RAB38: variants seen among roughly 807,000 people sequenced by gnomAD.
RAB38 encodes the protein ras-related protein Rab-38.
A neutral mutation model predicts 18.4 loss-of-function variants in RAB38; 15 were observed. That is an observed-to-expected ratio of 0.82 (90% confidence interval 0.55 to 1.26). The LOEUF is 1.26. RAB38 is among the 50% of genes most tolerant of loss of function. The pLI is 0.00. For missense variants in RAB38, 294 were observed against 267.4 expected, an observed-to-expected ratio of 1.10 and a Z score of -0.69; for synonymous variants, 101 against 104.4, an observed-to-expected ratio of 0.97 and a Z score of 0.20.
At chr11:87,955,237 C>CTT in the RAB38 span, among the ~76,000 whole-genome samples, 2 of 152,050 alleles carry the variant, frequency 1.3e-5, no homozygotes, top group African/African-American at 4.8e-5. Flanking sequence ...TTCTCTTATT[C>CTT]TTTAATCCAG....
At chr11:88,081,597 T>C in the RAB38 span, among the ~76,000 whole-genome samples, 1 of 151,944 alleles carries the variant, frequency 6.6e-6, no homozygotes, top group Non-Finnish European at 1.5e-5. Flanking sequence ...AATCTCTGCA[T>C]CCATCTTTAC....
the RAB38 span, among the ~76,000 whole-genome samples, chr11:87,843,661 A>C: frequency 2.0e-5 from 3 of 152,218 alleles, no homozygotes; most frequent in Non-Finnish European, 4.4e-5. Context: ...TAAACACTTG[A>C]AGCCTAAATT....
At chr11:88,118,140 T>TC (rs1012858176) in intron 2 of RAB38, among the ~76,000 whole-genome samples, 5 of 151,268 alleles carry the variant, frequency 3.3e-5, no homozygotes, top group East Asian at 1.9e-4. Context: ...TTATCTCAGC[T>TC]CCCCCCCAAA....
At chr11:88,153,114 A>C (rs1943082953) in intron 1 of RAB38, among the ~76,000 whole-genome samples, 1 of 152,280 alleles carries the variant, frequency 6.6e-6, no homozygotes, top group East Asian at 1.9e-4. Flanking sequence ...CACCAACTTG[A>C]AAAGTCAGAA....
At chr11:87,939,099 T>A in the RAB38 span, among the ~76,000 whole-genome samples, 15 of 152,114 alleles carry the variant, frequency 9.9e-5, no homozygotes, top group African/African-American at 3.1e-4. Flanking sequence ...GTCACTCAGT[T>A]CCCAATCAAA....
chr11:87,918,930 A>T, the RAB38 span, among the ~76,000 whole-genome samples: 1 of 34 alleles, frequency 0.029, no homozygotes, highest in Admixed American at 0.5. Context: ...GGGTCACAGT[A>T]AAAAAAAAAA....
At chr11:87,953,820 C>CT in the RAB38 span, among the ~76,000 whole-genome samples, 2 of 149,610 alleles carry the variant, frequency 1.3e-5, no homozygotes, top group African/African-American at 4.9e-5. Context: ...AAATGCTTGC[C>CT]TTTTTTAGGC....
the RAB38 span, among the ~76,000 whole-genome samples, chr11:88,005,880 T>C: frequency 1.3e-5 from 2 of 151,622 alleles, no homozygotes; most frequent in Admixed American, 6.6e-5. Flanking sequence ...TGCATGTACT[T>C]GACATCTTTG....
At chr11:87,856,612 T>C in the RAB38 span, among the ~76,000 whole-genome samples, 3 of 152,174 alleles carry the variant, frequency 2.0e-5, 1 homozygote, top group South Asian at 6.2e-4. Flanking sequence ...CCATCAAACC[T>C]GAGAATAGCA....
At chr11:87,829,930 T>A in the RAB38 span, among the ~76,000 whole-genome samples, 1 of 152,206 alleles carries the variant, frequency 6.6e-6, no homozygotes, top group Non-Finnish European at 1.5e-5. Flanking sequence ...TTGTTTCTTA[T>A]GATGTTTGAT....
At chr11:87,977,398 T>C in the RAB38 span, among the ~76,000 whole-genome samples, 1 of 43,702 alleles carries the variant, frequency 2.3e-5, no homozygotes, top group African/African-American at 1.1e-4. Context: ...ATTATATATA[T>C]AATTATATTA....
At chr11:87,808,254 C>T in the RAB38 span, among the ~76,000 whole-genome samples, 5 of 152,182 alleles carry the variant, frequency 3.3e-5, no homozygotes, top group Non-Finnish European at 7.3e-5. Context: ...GATATCTAAG[C>T]TCCCATGTTT....
chr11:88,150,832 CA>C (rs1231453079), intron 1 of RAB38, among the ~76,000 whole-genome samples: 8 of 152,152 alleles, frequency 5.3e-5, no homozygotes, highest in Non-Finnish European at 8.8e-5. Flanking sequence ...CTCTCTTCCG[CA>C]GGCTTAGATA....
the RAB38 span, among the ~76,000 whole-genome samples, chr11:87,885,131 T>C: frequency 6.6e-6 from 1 of 152,010 alleles, no homozygotes; most frequent in Non-Finnish European, 1.5e-5. Flanking sequence ...GAGAAGACAT[T>C]CAACCTGCTA....
At chr11:88,066,492 G>A in the RAB38 span, among the ~76,000 whole-genome samples, 1 of 152,168 alleles carries the variant, frequency 6.6e-6, no homozygotes, top group African/African-American at 2.4e-5. Context: ...ATGTAAATAT[G>A]CTGCTCTGCC....
At chr11:87,856,314 T>C in the RAB38 span, among the ~76,000 whole-genome samples, 3 of 152,058 alleles carry the variant, frequency 2.0e-5, no homozygotes, top group African/African-American at 7.2e-5. Context: ...TCTTACAAAC[T>C]CTCTGTCCTA....
the RAB38 span, among the ~76,000 whole-genome samples, chr11:88,050,639 G>A: frequency 6.6e-6 from 1 of 152,176 alleles, no homozygotes; most frequent in Non-Finnish European, 1.5e-5. Flanking sequence ...AATATGTATT[G>A]CTTTTTCCCC....
chr11:88,052,302 G>C, the RAB38 span, among the ~76,000 whole-genome samples: 2 of 152,116 alleles, frequency 1.3e-5, no homozygotes, highest in South Asian at 4.1e-4. Context: ...GAGATCTATA[G>C]GTCAAAAGCA....
At chr11:88,088,482 T>C in the RAB38 span, among the ~76,000 whole-genome samples, 1 of 151,878 alleles carries the variant, frequency 6.6e-6, no homozygotes, top group Non-Finnish European at 1.5e-5. Context: ...TCAGGTGATC[T>C]TTTTTTAAAG....
Sources: allele counts gnomAD v4.1 joint callset (sites outside exome capture counted in the v4.1 genomes callset), GRCh38; gene constraint gnomAD v4.1.1; transcripts MANE v1.5; gene names NCBI Gene and HGNC (gene_info 2026-07-23, HGNC 2026-07-21).